The following MREG variants were observed in gnomAD, a reference collection of about 807,000 sequenced individuals.
The protein encoded by MREG is melanoregulin, also known as dilute suppressor protein homolog.
Under a neutral mutation model 28.5 loss-of-function variants are expected in MREG, and 31 were observed. That is an observed-to-expected ratio of 1.09 (90% CI 0.82 to 1.47). The LOEUF (loss-of-function observed/expected upper bound fraction) is 1.47. MREG is among the 40% of genes most tolerant of loss of function. MREG has a pLI of 0.00. For missense variants in MREG, 256 were observed against 257.4 expected, an observed-to-expected ratio of 0.99 and a Z score of 0.04; for synonymous variants, 106 against 95.2, an observed-to-expected ratio of 1.11 and a Z score of -0.66.
chr2:215,945,939 G>A (rs1480439997), intron 3 of MREG, among the ~76,000 whole-genome samples: 1 of 152,028 alleles, frequency 6.6e-6, no homozygotes, highest in Non-Finnish European at 1.5e-5. Flanking sequence ...CAATTCTTTC[G>A]GTATTTTTTT....
At chr2:215,965,043 C>T (rs922229251) in intron 2 of MREG, among the ~76,000 whole-genome samples, 3 of 152,130 alleles carry the variant, frequency 2.0e-5, no homozygotes, top group Non-Finnish European at 4.4e-5. Flanking sequence ...AGAACAGAAA[C>T]TTTAAAATCC....
At position 215,944,995 on chromosome 2, in the gene MREG, G is replaced by C. The variant is rs1387657517; in HGVS notation, c.513C>G (p.Asp171Glu). 6.4e-7 allele frequency: 1 copy of C among 1,571,552 alleles called. No homozygotes were observed. The highest frequency in any genetic ancestry group is 1.3e-5 in the African/African-American group (1 of 74,476). ...CTGCAGCATCAAGTGCAATGAGACG[G>C]TCCTGCAAAAACAAACAACAAACCA... ...ELSERYLFVV[D>E]RLIALDAAEE... Residue 171 changes from aspartate (D) to glutamate (E), a missense_variant and splice_region_variant, in exon 5 of 5, where the codon GAC (aspartate) becomes GAG (glutamate). Transcript: ENST00000263268.
chr2:216,019,455 C>T (rs563326419), intron 1 of MREG, among the ~76,000 whole-genome samples: 7 of 151,950 alleles, frequency 4.6e-5, no homozygotes, highest in Non-Finnish European at 8.8e-5. Flanking sequence ...TTCTGTCTGT[C>T]CTATCACTCT....
intron 2 of MREG, among the ~76,000 whole-genome samples, chr2:215,966,892 A>C (rs1349249292): frequency 6.6e-6 from 1 of 152,116 alleles, no homozygotes; most frequent in Non-Finnish European, 1.5e-5. Flanking sequence ...GAGCCACTGC[A>C]CCTGGCAAAC....
At chr2:215,961,119 C>T (rs2372675) in intron 2 of MREG, among the ~76,000 whole-genome samples, 35,143 of 152,242 alleles carry the variant, frequency 0.23, 4,463 homozygotes, top group South Asian at 0.32. Flanking sequence ...CTTGGAGTAG[C>T]GGTTGGCAGG....
chr2:216,027,508 A>G (rs905842399), intron 1 of MREG, among the ~76,000 whole-genome samples: 1 of 152,214 alleles, frequency 6.6e-6, no homozygotes, highest in Non-Finnish European at 1.5e-5. Context: ...CCTGGCCAAC[A>G]TGGTGAAACC....
At chr2:216,010,689 T>C (rs374939852) in intron 1 of MREG, among the ~76,000 whole-genome samples, 3 of 152,014 alleles carry the variant, frequency 2.0e-5, no homozygotes, top group East Asian at 3.9e-4. Context: ...ACTACGTTTA[T>C]GGGAAGTGGT....
At chr2:215,951,499 G>A (rs1364581858) in intron 2 of MREG, among the ~76,000 whole-genome samples, 2 of 152,108 alleles carry the variant, frequency 1.3e-5, no homozygotes, top group Non-Finnish European at 1.5e-5. Flanking sequence ...TATTTTATTT[G>A]TTTTTCCTTA....
At chr2:216,025,458 TTA>T (rs1694581384) in intron 1 of MREG, among the ~76,000 whole-genome samples, 2 of 152,316 alleles carry the variant, frequency 1.3e-5, no homozygotes, top group Non-Finnish European at 2.9e-5. Flanking sequence ...AGGAGATTTA[TTA>T]TGAGTGTGCA....
intron 1 of MREG, among the ~76,000 whole-genome samples, chr2:216,001,340 A>G (rs1222259573): frequency 1.3e-5 from 2 of 152,152 alleles, no homozygotes; most frequent in Non-Finnish European, 2.9e-5. Context: ...GTATTCCCCT[A>G]ACAAGCCTCC....
In MREG at chr2:215,962,036, T is replaced by C. The variant is rs7575392; in HGVS notation, c.256-14923A>G. On this transcript the variant is annotated intron_variant, in intron 2 of 4. Coordinates refer to ENST00000263268, the MANE Select transcript of MREG (RefSeq NM_018000.3). ...AATGCAGTCCCACCACTCTTTGCAA[T>C]GCTCAACTGTTTTGACTCTGAATCC... 1.0e-2 allele frequency among the ~76,000 whole-genome samples: 1,520 copies of C among 152,340 alleles called. 29 individuals are homozygous for C. The highest frequency in any genetic ancestry group is 0.034 in the African/African-American group (1,428 of 41,584).
chr2:215,956,213 G>A (rs1019585666), intron 2 of MREG, among the ~76,000 whole-genome samples: 3 of 152,198 alleles, frequency 2.0e-5, no homozygotes, highest in African/African-American at 7.2e-5. Flanking sequence ...AAAGGCTGAG[G>A]CCTTGGAAAA....
At chr2:215,960,025 G>A (rs1009138879) in intron 2 of MREG, among the ~76,000 whole-genome samples, 3 of 151,358 alleles carry the variant, frequency 2.0e-5, no homozygotes, top group Admixed American at 6.6e-5. Context: ...GCGTGATCTC[G>A]GCTCACTGCA....
chr2:215,980,119 G>A (rs1231510570), intron 2 of MREG, among the ~76,000 whole-genome samples: 1 of 152,150 alleles, frequency 6.6e-6, no homozygotes, highest in Non-Finnish European at 1.5e-5. Context: ...CAGAGGTGCA[G>A]CAATGCGTTG....
intron 1 of MREG, among the ~76,000 whole-genome samples, chr2:216,010,603 C>G (rs545539367): frequency 6.6e-6 from 1 of 150,418 alleles, no homozygotes; most frequent in South Asian, 2.1e-4. Context: ...GTGATCCGGC[C>G]GCCTCGGCCT....
chr2:215,999,679 G>A (rs1016026412), intron 1 of MREG, among the ~76,000 whole-genome samples: 5 of 152,222 alleles, frequency 3.3e-5, no homozygotes, highest in South Asian at 2.1e-4. Context: ...ATAGCAGTGA[G>A]AGTGGAAATG....
intron 2 of MREG, among the ~76,000 whole-genome samples, chr2:215,989,057 G>A (rs941877468): frequency 2.7e-5 from 4 of 150,870 alleles, no homozygotes; most frequent in African/African-American, 4.9e-5. Context: ...GGGACAGACT[G>A]CCTCCTCAAG....
At position 216,013,300 on chromosome 2, in the gene MREG, C is replaced by G. The variant is rs1694364577; in HGVS notation, c.28G>C (p.Val10Leu). 2 of 1,549,314 alleles carry G rather than the reference C, an allele frequency of 1.3e-6. No homozygotes were observed. The highest frequency in any genetic ancestry group is 8.7e-7 in the Non-Finnish European group (1 of 1,146,478). MGLRDWLRT[V>L]CCCCGCECLE... is the part of the protein sequence containing the mutation. ...CACTCGCACCCGCAGCAGCAGCACA[C>G]GGTTCTCAGCCAGTCCCTCAGCCCC... Residue 10 changes from valine (V) to leucine (L), a missense_variant, in exon 1 of 5, where the codon GTG becomes CTG. Transcript: ENST00000263268.
intron 1 of MREG, among the ~76,000 whole-genome samples, chr2:216,031,814 C>T (rs1694715956): frequency 6.6e-6 from 1 of 152,212 alleles, no homozygotes; most frequent in Non-Finnish European, 1.5e-5. Flanking sequence ...TGAAACTAAT[C>T]CAGATTCAAT....
Sources: gnomAD v4.1 joint callset for allele counts (sites outside exome capture counted in the v4.1 genomes callset) on GRCh38, gnomAD v4.1.1 for gene constraint, MANE v1.5 for transcripts, NCBI Gene and HGNC (gene_info 2026-07-23, HGNC 2026-07-21) for gene names.